Variants in INSYN2B observed in about 807,000 individuals in gnomAD.
The protein encoded by INSYN2B is inhibitory synaptic factor family member 2B.
A neutral mutation model predicts 41.2 loss-of-function variants in INSYN2B; 16 were observed. The observed-to-expected ratio is 0.39, with a 90% CI of 0.26 to 0.59. The LOEUF (loss-of-function observed/expected upper bound fraction) is 0.59, where lower values mean the gene tolerates loss of function less well. Among genes scored for constraint, INSYN2B ranks in the 20% least tolerant of loss-of-function variants. The probability of loss-of-function intolerance (pLI) is 0.57; values close to 1 mark genes in which losing one functional copy is unlikely to be tolerated. For synonymous variants in INSYN2B, 245 were observed against 244.4 expected (o/e 1.00, Z -0.02); for missense variants, 608 against 646.4 (o/e 0.94, Z 0.64).
intron 1 of INSYN2B, among the ~76,000 whole-genome samples, chr5:169,972,442 A>AT (rs1295510932): frequency 1.3e-5 from 2 of 151,854 alleles, no homozygotes; most frequent in Non-Finnish European, 2.9e-5. Flanking sequence ...TAACCAATAG[A>AT]TGTCAGTAGC....
intron 3 of INSYN2B, among the ~76,000 whole-genome samples, chr5:169,870,975 G>A (rs1163292260): frequency 6.6e-6 from 1 of 152,098 alleles, no homozygotes; most frequent in Non-Finnish European, 1.5e-5. Context: ...CTGTTAGTTG[G>A]GTGTCTGGTA....
chr5:169,871,159 C>T (rs764511519), intron 3 of INSYN2B, among the ~76,000 whole-genome samples: 1 of 152,192 alleles, frequency 6.6e-6, no homozygotes, highest in Non-Finnish European at 1.5e-5. Flanking sequence ...AATATCATCA[C>T]ATGGGGCATT....
rs1289931713 is a variant in INSYN2B, at chr5:169,883,377, G to A, written c.522C>T (p.Val174=). Reference sequence around the variant, plus strand: ...CAGGACCATTGCTTTGCACCTTGGGGACCCTTGGGAGGAATGCATGGGACA... The same window carrying A: ...CAGGACCATTGCTTTGCACCTTGGGAACCCTTGGGAGGAATGCATGGGACA... The part of the protein sequence containing the change: ...VKVSHAFLPR[V]PKVQSNGPVS... The change falls in exon 2 of 4, where the codon GTC becomes GTT. Residue 174 remains valine (V), a synonymous_variant. Coordinates refer to ENST00000377365, the MANE Select transcript of INSYN2B (RefSeq NM_001129891.3). 1 of 1,551,676 alleles carries A rather than the reference G, an allele frequency of 6.4e-7. No homozygotes were observed. Among genetic ancestry groups the A allele is most frequent in the Admixed American group, 2.0e-5 (1 of 51,002 alleles).
chr5:169,932,599 G>A (rs1775808061), intron 1 of INSYN2B, among the ~76,000 whole-genome samples: 1 of 152,162 alleles, frequency 6.6e-6, no homozygotes, highest in African/African-American at 2.4e-5. Flanking sequence ...TGACCACAAG[G>A]TGAGGGCCAG....
intron 1 of INSYN2B, among the ~76,000 whole-genome samples, chr5:169,964,833 A>C (rs1240639947): frequency 6.6e-6 from 1 of 152,242 alleles, no homozygotes; most frequent in Non-Finnish European, 1.5e-5. Flanking sequence ...TGTTGCTTGG[A>C]GGATTCAAAG....
Position 169,883,950 on chromosome 5 carries a change from C to G in INSYN2B, c.-52G>C. 3.5e-6 allele frequency: 5 copies of G among 1,423,126 alleles called. No homozygotes were observed. The highest frequency in any genetic ancestry group is 4.6e-6 in the Non-Finnish European group (5 of 1,079,084). 88.2% of individuals were successfully genotyped at this position (1,423,126 alleles called of 1,614,324 possible). Reference sequence around the variant, plus strand: ...CATACACTTCTCCTAGGCACATCTCCCCTTAGGTCTTTGGAGCAGTATCTA... The same window carrying G: ...CATACACTTCTCCTAGGCACATCTCGCCTTAGGTCTTTGGAGCAGTATCTA... On this transcript the variant is annotated 5_prime_UTR_variant, in exon 2 of 4. Transcript: ENST00000377365.
chr5:169,973,316 G>A (rs1313288725), intron 1 of INSYN2B, among the ~76,000 whole-genome samples: 1 of 152,128 alleles, frequency 6.6e-6, no homozygotes, highest in African/African-American at 2.4e-5. Context: ...TCCTCTACAA[G>A]TGAACCAGAA....
chr5:169,945,257 G>T (rs116986775), intron 1 of INSYN2B, among the ~76,000 whole-genome samples: 1 of 152,206 alleles, frequency 6.6e-6, no homozygotes, highest in Non-Finnish European at 1.5e-5. Flanking sequence ...TTCATACAAC[G>T]GGTCAATAAT....
chr5:169,948,967 T>C (rs1687860030), intron 1 of INSYN2B, among the ~76,000 whole-genome samples: 1 of 152,228 alleles, frequency 6.6e-6, no homozygotes, highest in Non-Finnish European at 1.5e-5. Context: ...GAATATCCTA[T>C]ACTTTTTTAT....
At chr5:169,966,717 C>T (rs920077209) in intron 1 of INSYN2B, among the ~76,000 whole-genome samples, 1 of 152,158 alleles carries the variant, frequency 6.6e-6, no homozygotes, top group Admixed American at 6.5e-5. Context: ...TCTCCTCACT[C>T]TGGGACAAGT....
At chr5:169,875,315 T>C (rs750630079) in intron 3 of INSYN2B, 2 of 456,680 alleles carry the variant, frequency 4.4e-6, no homozygotes, top group South Asian at 1.5e-5. Flanking sequence ...CAAGTTTCCA[T>C]AGACACCCAG....
intron 1 of INSYN2B, among the ~76,000 whole-genome samples, chr5:169,886,177 C>T (rs889077509): frequency 6.6e-6 from 1 of 151,980 alleles, no homozygotes; most frequent in African/African-American, 2.4e-5. Context: ...TTATTAGTGG[C>T]GTGAGAACAA....
rs1777540194 is a variant in INSYN2B at position 169,972,492 on chromosome 5, G to GGATTATT, written c.-919+7784_-919+7785insAATAATC. 6.2e-5 allele frequency among the ~76,000 whole-genome samples: 3 copies of GGATTATT among 48,496 alleles called. No homozygotes were observed. In the African/African-American group the frequency reaches 8.8e-4, roughly 14 times the overall value. 31.8% of individuals were successfully genotyped at this position (48,496 alleles called of 152,430 possible). On this transcript the variant is annotated intron_variant, in intron 1 of 3. Coordinates refer to ENST00000377365, the MANE Select transcript of INSYN2B (RefSeq NM_001129891.3). Reference sequence around the variant, plus strand: ...TTTTGACAATGAAAAATATTTCAAGGCAATGCCCTTTGAGGGACAAAATTG... The same window carrying GGATTATT: ...TTTTGACAATGAAAAATATTTCAAGGGATTATTCAATGCCCTTTGAGGGACAAAATTG...
chr5:169,964,318 C>T (rs6555879), intron 1 of INSYN2B, among the ~76,000 whole-genome samples: 107,733 of 152,086 alleles, frequency 0.71, 39,259 homozygotes, highest in African/African-American at 0.89. Flanking sequence ...AAAGTTGCTC[C>T]GCTCCCACCC....
chr5:169,902,614 G>A (rs1178600860), intron 1 of INSYN2B, among the ~76,000 whole-genome samples: 3 of 152,228 alleles, frequency 2.0e-5, no homozygotes, highest in African/African-American at 7.2e-5. Context: ...GCTCCCTGGG[G>A]CCATTTGGGA....
At chr5:169,911,375 T>A (rs1176223502) in intron 1 of INSYN2B, among the ~76,000 whole-genome samples, 1 of 152,176 alleles carries the variant, frequency 6.6e-6, no homozygotes, top group Admixed American at 6.5e-5. Flanking sequence ...GCTATGGCGT[T>A]CACAGGACAT....
At chr5:169,920,425 G>A (rs1775112059) in intron 1 of INSYN2B, among the ~76,000 whole-genome samples, 1 of 152,170 alleles carries the variant, frequency 6.6e-6, no homozygotes, top group Non-Finnish European at 1.5e-5. Context: ...CCAGAAAGTA[G>A]GTGGATTTGG....
At chr5:169,899,270 T>C (rs1773787606) in intron 1 of INSYN2B, among the ~76,000 whole-genome samples, 1 of 152,162 alleles carries the variant, frequency 6.6e-6, no homozygotes, top group South Asian at 2.1e-4. Context: ...GTATGGCTCA[T>C]TAGGAAGAGC....
intron 1 of INSYN2B, among the ~76,000 whole-genome samples, chr5:169,896,123 C>T (rs1330851490): frequency 6.6e-6 from 1 of 152,082 alleles, no homozygotes; most frequent in African/African-American, 2.4e-5. Flanking sequence ...TTGGAAGGAG[C>T]TCCCAGAGCG....
Sources: allele counts gnomAD v4.1 joint callset (sites outside exome capture counted in the v4.1 genomes callset), GRCh38; gene constraint gnomAD v4.1.1; transcripts MANE v1.5; gene names NCBI Gene and HGNC (gene_info 2026-07-23, HGNC 2026-07-21).